PLXDC2: variants seen among roughly 807,000 people sequenced by gnomAD.
PLXDC2 encodes the protein plexin domain-containing protein 2.
PLXDC2 carries 40 observed loss-of-function variants against 68.9 expected under a neutral mutation model. That is an observed-to-expected ratio of 0.58 (90% CI 0.45 to 0.76). The LOEUF (loss-of-function observed/expected upper bound fraction) is 0.76. PLXDC2 is among the 30% of genes least tolerant of loss of function. The pLI, the probability that PLXDC2 is intolerant of heterozygous loss-of-function variation, is 0.00. For missense variants in PLXDC2, 644 were observed against 661.9 expected, an observed-to-expected ratio of 0.97 and a Z score of 0.30; for synonymous variants, 243 against 234.2, an observed-to-expected ratio of 1.04 and a Z score of -0.34.
chr10:20,136,693 A>G (rs575447928), intron 4 of PLXDC2, among the ~76,000 whole-genome samples: 150 of 152,340 alleles, frequency 9.8e-4, no homozygotes, highest in Middle Eastern at 3.4e-3. Flanking sequence ...CAAAGATGAC[A>G]TATACCATTA....
rs893822038 is a variant in PLXDC2 at position 20,288,529 on chromosome 10, A to T, written c.*8710A>T. On this transcript the variant is annotated 3_prime_UTR_variant, in exon 14 of 14. Transcript: ENST00000377252. ...GCAAAAAGAGTGTGACCTCTATTGG[A>T]AACCTTTGTTCAAATTCAATAATTC... The T allele has an allele frequency of 2.6e-5, 4 of 152,168 alleles. No homozygotes were observed. Among genetic ancestry groups the T allele is most frequent in the Admixed American group, 2.6e-4 (4 of 15,266 alleles). 9.4% of individuals were successfully genotyped at this position (152,168 alleles called of 1,614,324 possible).
Position 20,250,271 on chromosome 10 carries a change from CA to C in PLXDC2, c.1473+4787del, listed in dbSNP as rs35463564. Among the ~76,000 whole-genome samples the C allele has an allele frequency of 9.4e-3, 1,019 of 108,448 alleles. 7 individuals are homozygous for C. The highest frequency in any genetic ancestry group is 0.034 in the East Asian group (105 of 3,064). The allele number at this position is 108,448 out of a possible 152,430, so 71.1% of individuals were successfully genotyped here. On this transcript the variant is annotated intron_variant, in intron 13 of 13. Coordinates refer to ENST00000377252, the MANE Select transcript of PLXDC2 (RefSeq NM_032812.9). ...TGGGCAATCGAGTGAGATCCTGTTT[CA>C]AAAAAAAAAAAAAAAAAAAATTCAT... is the stretch of plus-strand genomic sequence containing the variant.
chr10:19,835,646 G>A (rs1233600467), intron 1 of PLXDC2, among the ~76,000 whole-genome samples: 2 of 152,186 alleles, frequency 1.3e-5, no homozygotes, highest in Admixed American at 6.5e-5. Flanking sequence ...GAGTCCTAGA[G>A]AGCTGGTCTG....
intron 3 of PLXDC2, among the ~76,000 whole-genome samples, chr10:20,048,054 G>A (rs931836710): frequency 6.6e-6 from 1 of 152,108 alleles, no homozygotes; most frequent in Non-Finnish European, 1.5e-5. Context: ...AGTATGACCT[G>A]AAGTGAAAAG....
intron 12 of PLXDC2, among the ~76,000 whole-genome samples, chr10:20,244,472 G>T (rs764624719): frequency 2.0e-5 from 3 of 152,130 alleles, no homozygotes; most frequent in African/African-American, 7.2e-5. Context: ...TTGCTGTGGC[G>T]CTCCTCTTAG....
chr10:20,135,150 G>A (rs1833918297), intron 4 of PLXDC2, among the ~76,000 whole-genome samples: 1 of 152,174 alleles, frequency 6.6e-6, no homozygotes, highest in Non-Finnish European at 1.5e-5. Context: ...ACAAGTACTG[G>A]AAACTCCTAT....
intron 9 of PLXDC2, among the ~76,000 whole-genome samples, chr10:20,201,564 A>G (rs1305398775): frequency 6.6e-6 from 1 of 151,984 alleles, no homozygotes; most frequent in Non-Finnish European, 1.5e-5. Context: ...TTTAACAATA[A>G]CTCTATATTG....
At chr10:20,275,719 C>T (rs556087187) in intron 13 of PLXDC2, among the ~76,000 whole-genome samples, 181 of 152,190 alleles carry the variant, frequency 1.2e-3, no homozygotes, top group African/African-American at 4.3e-3. Context: ...TCAAGACCAG[C>T]CTGGCCAACA....
At chr10:19,903,808 T>A (rs1324417786) in intron 1 of PLXDC2, among the ~76,000 whole-genome samples, 1 of 152,108 alleles carries the variant, frequency 6.6e-6, no homozygotes, top group Non-Finnish European at 1.5e-5. Context: ...GACTTTTTGA[T>A]GTAGGCATGA....
chr10:20,233,698 G>C (rs1835394482), intron 12 of PLXDC2, among the ~76,000 whole-genome samples: 1 of 152,168 alleles, frequency 6.6e-6, no homozygotes, highest in Non-Finnish European at 1.5e-5. Flanking sequence ...CCTGCCAGGA[G>C]GGTTGCTTCT....
chr10:19,916,096 T>C (rs955715301), intron 1 of PLXDC2, among the ~76,000 whole-genome samples: 1 of 151,340 alleles, frequency 6.6e-6, no homozygotes, highest in East Asian at 2.0e-4. Context: ...AGATAAAATA[T>C]TTACGGGGAA....
intron 1 of PLXDC2, 40 bp downstream of exon 1, chr10:19,817,231 G>C: frequency 6.7e-7 from 1 of 1,482,096 alleles, no homozygotes; most frequent in Non-Finnish European, 9.2e-7. Flanking sequence ...TTTGTGCGCA[G>C]CTGAAGACCT....
At chr10:20,024,704 T>TC (rs1235915242) in intron 2 of PLXDC2, among the ~76,000 whole-genome samples, 1 of 152,192 alleles carries the variant, frequency 6.6e-6, no homozygotes. Flanking sequence ...AGTTAGTTTT[T>TC]CAACCCTTGA....
chr10:20,200,844 T>G (rs1008142545), intron 9 of PLXDC2, among the ~76,000 whole-genome samples: 1 of 152,044 alleles, frequency 6.6e-6, no homozygotes, highest in African/African-American at 2.4e-5. Context: ...TCACCCCAGT[T>G]AGAGTAGCTA....
chr10:20,083,119 A>G (rs1836602152), intron 4 of PLXDC2, among the ~76,000 whole-genome samples: 1 of 152,178 alleles, frequency 6.6e-6, no homozygotes, highest in African/African-American at 2.4e-5. Context: ...GACTTGACAG[A>G]TGGCTGGAGA....
At chr10:20,018,197 C>T (rs915474620) in intron 2 of PLXDC2, among the ~76,000 whole-genome samples, 1 of 152,212 alleles carries the variant, frequency 6.6e-6, no homozygotes, top group Admixed American at 6.5e-5. Context: ...ATGCAAATGA[C>T]TCATCACCTT....
chr10:19,978,637 T>A (rs754269087), intron 1 of PLXDC2, among the ~76,000 whole-genome samples: 1 of 152,214 alleles, frequency 6.6e-6, no homozygotes, highest in Non-Finnish European at 1.5e-5. Flanking sequence ...TTCAGAAATA[T>A]AGCAATAGCA....
At chr10:20,164,590 C>T (rs539148817) in intron 7 of PLXDC2, 23 bp downstream of exon 7, 1 of 1,556,160 alleles carries the variant, frequency 6.4e-7, no homozygotes, top group South Asian at 1.1e-5. Context: ...AGGGCAGTCG[C>T]AATGAGTGAG....
intron 3 of PLXDC2, among the ~76,000 whole-genome samples, chr10:20,064,663 CT>C (rs1836171029): frequency 6.6e-6 from 1 of 152,138 alleles, no homozygotes; most frequent in African/African-American, 2.4e-5. Context: ...ACCAAAATAG[CT>C]CTTCTTCCTG....
Sources: allele counts gnomAD v4.1 joint callset (sites outside exome capture counted in the v4.1 genomes callset), GRCh38; gene constraint gnomAD v4.1.1; transcripts MANE v1.5; gene names NCBI Gene and HGNC (gene_info 2026-07-23, HGNC 2026-07-21).